The following EYA2 variants were observed in gnomAD, a reference collection of about 807,000 sequenced individuals.
EYA2 encodes the protein protein phosphatase EYA2.
A neutral mutation model predicts 69.2 loss-of-function variants in EYA2; 31 were observed. That is an observed-to-expected ratio of 0.45 (90% CI 0.34 to 0.60). The LOEUF (loss-of-function observed/expected upper bound fraction) is 0.60. Ranked by LOEUF, EYA2 falls within the 20% of genes least tolerant of loss-of-function variation. EYA2 has a pLI of 0.02. For synonymous variants in EYA2, 257 were observed against 279.4 expected, an observed-to-expected ratio of 0.92 and a Z score of 0.80; for missense variants, 622 against 701.2, an observed-to-expected ratio of 0.89 and a Z score of 1.28.
intron 10 of EYA2, chr20:47,161,194 G>A: frequency 2.2e-6 from 1 of 459,778 alleles, no homozygotes; most frequent in East Asian, 5.4e-5. Context: ...AAGGGACGGT[G>A]TGGGGCTTGC....
At chr20:47,122,844 A>G (rs963569585) in intron 9 of EYA2, among the ~76,000 whole-genome samples, 2 of 152,182 alleles carry the variant, frequency 1.3e-5, no homozygotes, top group African/African-American at 4.8e-5. Context: ...AGAGTTGAAT[A>G]GTTATGATGG....
chr20:46,926,775 A>G (rs1048422789), intron 1 of EYA2, among the ~76,000 whole-genome samples: 1 of 152,170 alleles, frequency 6.6e-6, no homozygotes, highest in African/African-American at 2.4e-5. Flanking sequence ...TATAATTTTA[A>G]TTTTTGAATT....
chr20:47,033,343 C>T (rs575532079), intron 5 of EYA2, among the ~76,000 whole-genome samples: 1 of 152,312 alleles, frequency 6.6e-6, no homozygotes, highest in Non-Finnish European at 1.5e-5. Context: ...GCTATACAGT[C>T]TCTGTTGCAA....
chr20:46,939,780 A>G (rs1271099068), intron 1 of EYA2, among the ~76,000 whole-genome samples: 2 of 152,216 alleles, frequency 1.3e-5, no homozygotes, highest in African/African-American at 2.4e-5. Context: ...CCTACCTTCC[A>G]TAACGGGTTT....
At chr20:47,149,553 A>G (rs2033775734) in intron 10 of EYA2, among the ~76,000 whole-genome samples, 1 of 151,874 alleles carries the variant, frequency 6.6e-6, no homozygotes, top group Non-Finnish European at 1.5e-5. Flanking sequence ...TTAAAAGAAC[A>G]CAAGTTTGGG....
At chr20:47,052,670 T>G (rs1191089739) in intron 5 of EYA2, among the ~76,000 whole-genome samples, 2 of 152,204 alleles carry the variant, frequency 1.3e-5, no homozygotes, top group Non-Finnish European at 2.9e-5. Context: ...TTGCCCAAAC[T>G]GGAGTGCAGT....
At chr20:47,123,687 G>T (rs189962413) in intron 9 of EYA2, among the ~76,000 whole-genome samples, 44 of 152,214 alleles carry the variant, frequency 2.9e-4, no homozygotes, top group Middle Eastern at 6.8e-3. Flanking sequence ...AAGAATAAAG[G>T]GGATATGAAA....
chr20:46,960,511 C>G (rs1381776046), intron 1 of EYA2, among the ~76,000 whole-genome samples: 1 of 152,118 alleles, frequency 6.6e-6, no homozygotes, highest in Admixed American at 6.6e-5. Flanking sequence ...GATGAGGAAA[C>G]CGAGGCACAG....
rs556818104 is a variant in EYA2, at chr20:47,047,489, C to A, written c.416-24696C>A. 5.9e-5 allele frequency among the ~76,000 whole-genome samples: 9 copies of A among 152,220 alleles called. No homozygotes were observed. The South Asian group carries it at 1.2e-3, about 21-fold the overall frequency. On this transcript the variant is annotated intron_variant, in intron 5 of 15. Transcript: ENST00000327619. ...GCAACCTCCGCCTCCCGGGTTCAAGCGATTCTCCCACCTCAGCCTCCCAAG... is the reference window on the plus strand; with the variant it reads ...GCAACCTCCGCCTCCCGGGTTCAAGAGATTCTCCCACCTCAGCCTCCCAAG...
At chr20:46,974,933 A>G (rs16992149) in intron 1 of EYA2, among the ~76,000 whole-genome samples, 1,542 of 152,292 alleles carry the variant, frequency 0.01, 20 homozygotes, top group African/African-American at 0.034. Flanking sequence ...TGGAACACGC[A>G]TCGTAAAATG....
intron 1 of EYA2, among the ~76,000 whole-genome samples, chr20:46,950,364 A>T (rs1485403212): frequency 6.6e-6 from 1 of 152,132 alleles, no homozygotes. Context: ...TCTAGCCCTG[A>T]TATTCTAAGA....
rs144680360 is a variant in EYA2 at position 47,178,516 on chromosome 20, A to G, written c.1199-1282A>G. On this transcript the variant is annotated intron_variant, in intron 12 of 15. Transcript: ENST00000327619. ...GGCCTCCAGGCTGGAATGGAAAGAC[A>G]GCGGCAGGAGATGAAACTCAGTAGG... 3.0e-3 allele frequency among the ~76,000 whole-genome samples: 454 copies of G among 152,196 alleles called. 3 individuals carry two copies. Among genetic ancestry groups the G allele is most frequent in the African/African-American group, 0.01 (423 of 41,508 alleles).
At chr20:46,904,624 CCCT>C (rs1320998459) in intron 1 of EYA2, among the ~76,000 whole-genome samples, 3 of 151,956 alleles carry the variant, frequency 2.0e-5, no homozygotes, top group Non-Finnish European at 4.4e-5. Context: ...GTTCTTGCTC[CCCT>C]CAACAAGCCT....
chr20:46,903,708 A>G (rs1600528965), intron 1 of EYA2, among the ~76,000 whole-genome samples: 1 of 152,192 alleles, frequency 6.6e-6, no homozygotes, highest in African/African-American at 2.4e-5. Flanking sequence ...GTTAATAAAC[A>G]TGAAGTGTTT....
intron 9 of EYA2, among the ~76,000 whole-genome samples, chr20:47,107,038 C>T (rs964176681): frequency 3.9e-5 from 6 of 152,242 alleles, no homozygotes; most frequent in Admixed American, 3.9e-4. Flanking sequence ...CACCAAGATA[C>T]CATTAGTGGT....
chr20:47,111,139 T>G (rs1349193466), intron 9 of EYA2, among the ~76,000 whole-genome samples: 1 of 152,244 alleles, frequency 6.6e-6, no homozygotes, highest in Non-Finnish European at 1.5e-5. Context: ...CTAATTGAAG[T>G]AGGTCAGAAG....
At chr20:47,087,123 C>G (rs16992310) in intron 7 of EYA2, among the ~76,000 whole-genome samples, 2,256 of 152,288 alleles carry the variant, frequency 0.015, 60 homozygotes, top group African/African-American at 0.052. Context: ...CCCAGCCATC[C>G]TGACAGCGCA....
intron 1 of EYA2, among the ~76,000 whole-genome samples, chr20:46,926,949 G>T (rs6018182): frequency 0.025 from 3,850 of 152,198 alleles, 188 homozygotes; most frequent in African/African-American, 0.088. Flanking sequence ...GGTGCCATGG[G>T]GTACCTGAGA....
At chr20:46,905,870 C>T (rs917271448) in intron 1 of EYA2, among the ~76,000 whole-genome samples, 2 of 152,180 alleles carry the variant, frequency 1.3e-5, no homozygotes, top group East Asian at 3.8e-4. Flanking sequence ...GAATTGGACC[C>T]ATTCCCAGGA....
Sources: gnomAD v4.1 joint callset for allele counts (sites outside exome capture counted in the v4.1 genomes callset) on GRCh38, gnomAD v4.1.1 for gene constraint, MANE v1.5 for transcripts, NCBI Gene and HGNC (gene_info 2026-07-23, HGNC 2026-07-21) for gene names.